LDB2: variants seen among roughly 807,000 people sequenced by gnomAD.
LDB2 encodes the protein LIM domain-binding protein 2.
A neutral mutation model predicts 44.3 loss-of-function variants in LDB2; 12 were observed. The ratio of observed to expected loss-of-function variants is 0.27; its 90% CI spans 0.17 to 0.44. The LOEUF (loss-of-function observed/expected upper bound fraction) is 0.44, where lower values mean the gene tolerates loss of function less well. LDB2 is among the 20% of genes least tolerant of loss of function. LDB2 has a pLI of 1.00. For missense variants in LDB2, 344 were observed against 473.5 expected (o/e 0.73, Z 2.54); for synonymous variants, 164 against 174.8 (o/e 0.94, Z 0.49).
chr4:16,611,974 C>G (rs1436257046), intron 2 of LDB2, among the ~76,000 whole-genome samples: 5 of 152,088 alleles, frequency 3.3e-5, no homozygotes, highest in African/African-American at 1.2e-4. Context: ...GTAAAACACT[C>G]CTCAGCAAAT....
chr4:16,520,687 C>A (rs1725736939), intron 5 of LDB2, among the ~76,000 whole-genome samples: 1 of 152,146 alleles, frequency 6.6e-6, no homozygotes, highest in African/African-American at 2.4e-5. Context: ...AAGGGACCAT[C>A]CTTCTTCCAG....
intron 2 of LDB2, among the ~76,000 whole-genome samples, chr4:16,715,108 A>G (rs1756802392): frequency 6.6e-6 from 1 of 152,158 alleles, no homozygotes; most frequent in South Asian, 2.1e-4. Flanking sequence ...CTTAACCCAC[A>G]CAACAGCCCG....
chr4:16,725,981 AT>A (rs575957444), intron 2 of LDB2, among the ~76,000 whole-genome samples: 257 of 149,052 alleles, frequency 1.7e-3, no homozygotes, highest in Non-Finnish European at 2.8e-3. Context: ...AGTACATAAA[AT>A]ATCCATTATA....
intron 3 of LDB2, among the ~76,000 whole-genome samples, chr4:16,593,224 A>G (rs190974586): frequency 6.6e-5 from 10 of 152,288 alleles, no homozygotes; most frequent in Non-Finnish European, 1.2e-4. Context: ...GATAGCCTAA[A>G]TTAGAACACT....
At chr4:16,654,467 A>G (rs1036009015) in intron 2 of LDB2, among the ~76,000 whole-genome samples, 8 of 152,312 alleles carry the variant, frequency 5.3e-5, no homozygotes, top group Admixed American at 1.3e-4. Context: ...GAGTAATCCC[A>G]TAGGAGAAGC....
At chr4:16,818,371 G>T (rs1781329470) in intron 1 of LDB2, among the ~76,000 whole-genome samples, 1 of 152,196 alleles carries the variant, frequency 6.6e-6, no homozygotes, top group East Asian at 1.9e-4. Context: ...AGAACGCAAA[G>T]AGAGGGGAAA....
At chr4:16,894,935 G>GA (rs933322346) in intron 1 of LDB2, among the ~76,000 whole-genome samples, 124 of 148,626 alleles carry the variant, frequency 8.3e-4, no homozygotes, top group South Asian at 4.1e-3. Flanking sequence ...ATTGATAAAA[G>GA]AAAAAAAAAC....
chr4:16,876,251 T>C (rs1306605542), intron 1 of LDB2, among the ~76,000 whole-genome samples: 1 of 152,250 alleles, frequency 6.6e-6, no homozygotes, highest in Admixed American at 6.5e-5. Flanking sequence ...CTGAAACACC[T>C]ACTGAGTTGA....
At chr4:16,882,409 C>T (rs1720419224) in intron 1 of LDB2, among the ~76,000 whole-genome samples, 1 of 152,120 alleles carries the variant, frequency 6.6e-6, no homozygotes, top group Non-Finnish European at 1.5e-5. Context: ...TCTTTCTTCT[C>T]TCCTTTTCCC....
intron 1 of LDB2, among the ~76,000 whole-genome samples, chr4:16,863,951 C>A (rs1450316533): frequency 1.3e-5 from 2 of 152,294 alleles, no homozygotes; most frequent in East Asian, 3.9e-4. Context: ...TGAGCCACCG[C>A]GCCTGGCACA....
At chr4:16,517,167 C>A (rs1724063090) in intron 5 of LDB2, among the ~76,000 whole-genome samples, 1 of 152,116 alleles carries the variant, frequency 6.6e-6, no homozygotes, top group Non-Finnish European at 1.5e-5. Context: ...GGTCTGAGAC[C>A]CTCAAGAGAA....
intron 5 of LDB2, among the ~76,000 whole-genome samples, chr4:16,529,786 A>T (rs1198256078): frequency 3.9e-5 from 6 of 152,158 alleles, no homozygotes; most frequent in Admixed American, 2.0e-4. Context: ...CCGTAAATTG[A>T]TGCAATATAT....
At chr4:16,568,674 T>C (rs985114104) in intron 5 of LDB2, among the ~76,000 whole-genome samples, 4 of 152,192 alleles carry the variant, frequency 2.6e-5, no homozygotes, top group African/African-American at 9.6e-5. Context: ...ACTCAGAGCC[T>C]TCCCTGCAGA....
chr4:16,520,298 G>A (rs200606148), intron 5 of LDB2, among the ~76,000 whole-genome samples: 9 of 147,086 alleles, frequency 6.1e-5, no homozygotes, highest in Admixed American at 6.8e-5. Context: ...GAATCTAAAA[G>A]AAAAAAAAAA....
intron 1 of LDB2, among the ~76,000 whole-genome samples, chr4:16,803,703 TTTA>T (rs1322153398): frequency 6.6e-6 from 1 of 152,228 alleles, no homozygotes; most frequent in Non-Finnish European, 1.5e-5. Context: ...AATTCTGTGC[TTTA>T]TTTTCATTGT....
At chr4:16,800,286 C>T (rs1246952980) in intron 1 of LDB2, among the ~76,000 whole-genome samples, 1 of 152,144 alleles carries the variant, frequency 6.6e-6, no homozygotes, top group African/African-American at 2.4e-5. Context: ...GTAAATAATT[C>T]TTGTGTGTAG....
chr4:16,518,589 G>T (rs1724771494), intron 5 of LDB2, among the ~76,000 whole-genome samples: 1 of 151,648 alleles, frequency 6.6e-6, no homozygotes, highest in South Asian at 2.1e-4. Flanking sequence ...CTTTCTTACT[G>T]TCTATAGCTG....
chr4:16,830,019 C>A (rs1007192749), intron 1 of LDB2, among the ~76,000 whole-genome samples: 25 of 152,038 alleles, frequency 1.6e-4, no homozygotes, highest in African/African-American at 4.8e-4. Flanking sequence ...GCAGCAGAAT[C>A]CCTTGAACCT....
intron 1 of LDB2, among the ~76,000 whole-genome samples, chr4:16,874,421 T>C (rs900487113): frequency 2.0e-5 from 3 of 152,146 alleles, no homozygotes; most frequent in Admixed American, 2.0e-4. Context: ...AGACTATGAT[T>C]TACCCTCTCT....
Sources: gnomAD v4.1 joint callset for allele counts (sites outside exome capture counted in the v4.1 genomes callset) on GRCh38, gnomAD v4.1.1 for gene constraint, MANE v1.5 for transcripts, NCBI Gene and HGNC (gene_info 2026-07-23, HGNC 2026-07-21) for gene names.